The following ZNF608 variants were observed in gnomAD, a reference collection of about 807,000 sequenced individuals.
ZNF608 encodes the protein renal carcinoma antigen NY-REN-36.
In ZNF608, 12 loss-of-function variants were observed where a neutral mutation model predicts 109.0. That is an observed-to-expected ratio of 0.11 (90% CI 0.07 to 0.18). ZNF608 has a LOEUF of 0.18. ZNF608 is among the 10% of genes least tolerant of loss of function. ZNF608 has a pLI of 1.00. For missense variants in ZNF608, 1,707 were observed against 1,879.3 expected, an observed-to-expected ratio of 0.91 and a Z score of 1.70; for synonymous variants, 732 against 717.4, an observed-to-expected ratio of 1.02 and a Z score of -0.33.
chr5:124,681,446 G>T (rs1004259304), intron 3 of ZNF608, among the ~76,000 whole-genome samples: 2 of 151,922 alleles, frequency 1.3e-5, no homozygotes, highest in Non-Finnish European at 2.9e-5. Context: ...GACAGAGCGA[G>T]ACTCCATCTC....
intron 3 of ZNF608, among the ~76,000 whole-genome samples, chr5:124,678,067 T>C (rs949423193): frequency 6.6e-6 from 1 of 152,194 alleles, no homozygotes; most frequent in African/African-American, 2.4e-5. Flanking sequence ...CAACCCTTAC[T>C]AAATTATGGT....
intron 3 of ZNF608, among the ~76,000 whole-genome samples, chr5:124,673,884 A>G (rs1316495857): frequency 6.6e-6 from 1 of 152,216 alleles, no homozygotes; most frequent in African/African-American, 2.4e-5. Flanking sequence ...CTCACATGGC[A>G]TAATTTGATG....
intron 3 of ZNF608, among the ~76,000 whole-genome samples, chr5:124,696,751 A>G (rs1223598701): frequency 7.2e-5 from 11 of 152,200 alleles, no homozygotes. Context: ...TCTGTGAGGT[A>G]AGTAGGACGG....
intron 2 of ZNF608, among the ~76,000 whole-genome samples, chr5:124,741,655 G>GAAGCA (rs1749409641): frequency 6.6e-6 from 1 of 152,100 alleles, no homozygotes; most frequent in Non-Finnish European, 1.5e-5. Flanking sequence ...TTCTAAATAG[G>GAAGCA]TATTCTCACA....
At chr5:124,693,095 T>C (rs963051361) in intron 3 of ZNF608, among the ~76,000 whole-genome samples, 4 of 152,238 alleles carry the variant, frequency 2.6e-5, no homozygotes, top group African/African-American at 7.2e-5. Context: ...GGTACACCTC[T>C]GAATACACAC....
intron 3 of ZNF608, among the ~76,000 whole-genome samples, chr5:124,678,584 T>G (rs777889834): frequency 6.6e-6 from 1 of 152,218 alleles, no homozygotes; most frequent in Non-Finnish European, 1.5e-5. Context: ...ACATCTAGAC[T>G]GGCAGGCAAA....
At chr5:124,745,321 T>C in intron 1 of ZNF608, 149 bp from the exon 2 acceptor site, 1 of 541,306 alleles carries the variant, frequency 1.8e-6, no homozygotes, top group Non-Finnish European at 2.5e-6. Flanking sequence ...ATATCAGGTT[T>C]AAAGGAAAAT....
At chr5:124,741,501 C>G (rs1749400061) in intron 2 of ZNF608, among the ~76,000 whole-genome samples, 1 of 150,270 alleles carries the variant, frequency 6.7e-6, no homozygotes, top group South Asian at 2.1e-4. Context: ...AATTAATAAT[C>G]TTCACTCTCC....
At chr5:124,747,509 G>A (rs146974104), upstream of ZNF608, among the ~76,000 whole-genome samples, 5 of 151,748 alleles carry the variant, frequency 3.3e-5, no homozygotes, top group Non-Finnish European at 5.9e-5. Context: ...AGGATCAAGG[G>A]CTCAATTGGT....
upstream of ZNF608, chr5:124,746,823 G>C: frequency 1.0e-6 from 1 of 973,500 alleles, no homozygotes; most frequent in Non-Finnish European, 1.2e-6. Flanking sequence ...GAGGGAGGAG[G>C]AGGAGAAGAA....
Position 124,647,607 on chromosome 5 carries a change from C to T in ZNF608, c.2777G>A (p.Gly926Glu). 1 of 1,614,194 alleles carries T rather than the reference C, an allele frequency of 6.2e-7. No individual in the cohort carries two copies. Among genetic ancestry groups the T allele is most frequent in the Non-Finnish European group, 8.5e-7 (1 of 1,180,046 alleles). ...TGTCTTTGCAGCTGAACTCTCTGCC[C>T]CATTCTGGGTCAACACATGCAGAGG... The part of the protein sequence containing the change: ...MAPLHVLTQN[G>E]AESSAAKTSS... Residue 926 changes from glycine (G) to glutamate (E), a missense_variant, in exon 5 of 10, where the codon GGG (glycine) becomes GAG (glutamate). Coordinates refer to ENST00000513986, the MANE Select transcript of ZNF608 (RefSeq NM_020747.3).
At chr5:124,728,558 G>A (rs1040438588) in intron 2 of ZNF608, among the ~76,000 whole-genome samples, 1 of 152,100 alleles carries the variant, frequency 6.6e-6, no homozygotes, top group Non-Finnish European at 1.5e-5. Context: ...ATCCCAACAT[G>A]TCTGGCCTTC....
intron 3 of ZNF608, among the ~76,000 whole-genome samples, chr5:124,677,680 A>T (rs963463626): frequency 6.6e-6 from 1 of 152,146 alleles, no homozygotes; most frequent in Non-Finnish European, 1.5e-5. Flanking sequence ...ATACAAGCAA[A>T]TCGCTTCTTC....
chr5:124,738,543 C>CTA (rs1376278095), intron 2 of ZNF608, among the ~76,000 whole-genome samples: 1 of 152,190 alleles, frequency 6.6e-6, no homozygotes, highest in African/African-American at 2.4e-5. Context: ...TTCTACACCT[C>CTA]TAGAGTGTGT....
chr5:124,675,791 A>G (rs1348657073), intron 3 of ZNF608, among the ~76,000 whole-genome samples: 1 of 152,200 alleles, frequency 6.6e-6, no homozygotes, highest in African/African-American at 2.4e-5. Context: ...TGCTTGGAAT[A>G]CAGTAGCGGA....
chr5:124,684,434 G>A (rs191296794), intron 3 of ZNF608, among the ~76,000 whole-genome samples: 198 of 152,324 alleles, frequency 1.3e-3, no homozygotes, highest in African/African-American at 4.6e-3. Flanking sequence ...CTTGACACCT[G>A]ATCCAGTGCT....
rs756067444 is a variant in ZNF608, at chr5:124,648,178, G to A, written c.2206C>T (p.Arg736Trp). 9 of 1,613,164 alleles carry A rather than the reference G, an allele frequency of 5.6e-6. No individual in the cohort carries two copies. Among genetic ancestry groups the A allele is most frequent in the Admixed American group, 1.7e-5 (1 of 59,976 alleles). ...DKNLSKLKSA[R>W]PIAPAPAPTP... is the part of the protein sequence containing the mutation. Reference sequence around the variant, plus strand: ...GGGGCTGGGGCAGGGGCAATGGGCCGGGCACTTTTCAGTTTAGAGAGGTTT... The same window carrying A: ...GGGGCTGGGGCAGGGGCAATGGGCCAGGCACTTTTCAGTTTAGAGAGGTTT... Residue 736 changes from arginine to tryptophan, a missense_variant, in exon 5 of 10, where the codon CGG (arginine) becomes TGG (tryptophan). Transcript: ENST00000513986.
At chr5:124,741,782 G>A (rs945698715) in intron 2 of ZNF608, among the ~76,000 whole-genome samples, 3 of 152,318 alleles carry the variant, frequency 2.0e-5, no homozygotes, top group South Asian at 4.1e-4. Flanking sequence ...TGTGTGCCAA[G>A]GATGAAAGCA....
intron 3 of ZNF608, among the ~76,000 whole-genome samples, chr5:124,679,697 GAA>G (rs1752114543): frequency 6.6e-6 from 1 of 152,200 alleles, no homozygotes; most frequent in Non-Finnish European, 1.5e-5. Flanking sequence ...AGAAAAACTT[GAA>G]AATACAGGTG....
Sources: gnomAD v4.1 joint callset for allele counts (sites outside exome capture counted in the v4.1 genomes callset) on GRCh38, gnomAD v4.1.1 for gene constraint, MANE v1.5 for transcripts, NCBI Gene and HGNC (gene_info 2026-07-23, HGNC 2026-07-21) for gene names.